Variants in CYREN observed in about 807,000 individuals in gnomAD.
CYREN encodes the protein cell cycle regulator of NHEJ, also known as cell cycle regulator of non-homologous end joining.
A neutral mutation model predicts 9.7 loss-of-function variants in CYREN; 7 were observed. The ratio of observed to expected loss-of-function variants is 0.72; its 90% CI spans 0.41 to 1.36. CYREN has a LOEUF of 1.36. Ranked by LOEUF, CYREN falls within the 40% of genes most tolerant of loss-of-function variation. CYREN has a pLI of 0.01. For missense variants in CYREN, 215 were observed against 198.1 expected, an observed-to-expected ratio of 1.09 and a Z score of -0.51; for synonymous variants, 76 against 77.9, an observed-to-expected ratio of 0.98 and a Z score of 0.13.
chr7:135,144,486 T>TA (rs1280414985), intron 2 of CYREN, among the ~76,000 whole-genome samples: 2 of 151,914 alleles, frequency 1.3e-5, no homozygotes, highest in Non-Finnish European at 2.9e-5. Context: ...AGTAAGCAAT[T>TA]AAGAGGAAAT....
chr7:135,117,931 A>C (rs12538457), intron 2 of CYREN, among the ~76,000 whole-genome samples: 67,403 of 152,044 alleles, frequency 0.44, 15,576 homozygotes, highest in East Asian at 0.78. Flanking sequence ...AATGAGAGAT[A>C]GTGGATCAGT....
At chr7:135,105,210 C>G (rs1824495220) in intron 2 of CYREN, among the ~76,000 whole-genome samples, 1 of 151,552 alleles carries the variant, frequency 6.6e-6, no homozygotes, top group Admixed American at 6.6e-5. Context: ...GCTGGGATTA[C>G]AGGTGCCCAC....
In CYREN at chr7:135,166,304, G is replaced by A. The variant is rs1830127614; in HGVS notation, c.*307C>T. On this transcript the variant is annotated 3_prime_UTR_variant, in exon 4 of 4. Coordinates refer to ENST00000393114, the MANE Select transcript of CYREN (RefSeq NM_024033.4). ...CATGACATCATTTTCCCTGGAACCT[G>A]GTCACTGACTAACACAGACAATTGG... 1 of 281,172 alleles carries A rather than the reference G, an allele frequency of 3.6e-6. No individual in the cohort carries two copies. The highest frequency in any genetic ancestry group is 6.6e-6 in the Non-Finnish European group (1 of 151,148). The allele number at this position is 281,172 out of a possible 1,614,324, so 17.4% of individuals were successfully genotyped here.
intron 1 of CYREN, among the ~76,000 whole-genome samples, chr7:135,169,942 C>T (rs1283046790): frequency 6.6e-6 from 1 of 152,246 alleles, no homozygotes; most frequent in African/African-American, 2.4e-5. Flanking sequence ...GGCCATGGGG[C>T]ACACCTTTGC....
rs1830317505 is a variant in CYREN, at chr7:135,168,072, TG to T, written c.138-266del. On this transcript the variant is annotated intron_variant, in intron 2 of 3. Transcript: ENST00000393114. The stretch of plus-strand genomic sequence containing the variant: ...ACAAGGATCTGGAAGTAGGGAAGGA[TG>T]GCCGCCTCTGAAACACACACATGGA... 5 of 520,086 alleles carry T rather than the reference TG, an allele frequency of 9.6e-6. No homozygotes were observed. In the East Asian group the frequency reaches 1.8e-4, roughly 19 times the overall value. 32.2% of individuals were successfully genotyped at this position (520,086 alleles called of 1,614,324 possible).
chr7:135,111,333 T>C (rs1825613482), intron 2 of CYREN, among the ~76,000 whole-genome samples: 1 of 152,234 alleles, frequency 6.6e-6, no homozygotes, highest in Non-Finnish European at 1.5e-5. Flanking sequence ...TCCTCACTTG[T>C]ATACTTCTCA....
chr7:135,160,225 C>T (rs1585354189), intron 2 of CYREN, among the ~76,000 whole-genome samples: 1 of 152,188 alleles, frequency 6.6e-6, no homozygotes, highest in Non-Finnish European at 1.5e-5. Context: ...TTTCTCTGCA[C>T]TTTCATGTAT....
intron 2 of CYREN, among the ~76,000 whole-genome samples, chr7:135,145,585 T>C (rs1829530208): frequency 6.6e-6 from 1 of 152,172 alleles, no homozygotes; most frequent in African/African-American, 2.4e-5. Context: ...GAAGATTTGA[T>C]AAAGATTTGA....
chr7:135,154,986 T>A (rs1585347317), intron 2 of CYREN, among the ~76,000 whole-genome samples: 1 of 152,218 alleles, frequency 6.6e-6, no homozygotes, highest in African/African-American at 2.4e-5. Context: ...CTTTCTTTAG[T>A]GATATTTGTT....
Position 135,097,189 on chromosome 7 carries a change from C to T in CYREN, n.357-2607G>A, listed in dbSNP as rs188350587. On this transcript the variant is annotated intron_variant and non_coding_transcript_variant, in intron 2 of 2. Transcript: ENST00000459937. The stretch of plus-strand genomic sequence containing the variant: ...ATTACATTTCCTGGTTCAAAGGTTA[C>T]GACTAAAATATCCCGTCGGTCAACA... Among the ~76,000 whole-genome samples, 108 of 152,174 alleles carry T rather than the reference C, an allele frequency of 7.1e-4. 1 individual carries two copies. The highest frequency in any genetic ancestry group is 7.0e-3 in the South Asian group (34 of 4,826).
intron 2 of CYREN, among the ~76,000 whole-genome samples, chr7:135,142,528 A>T (rs530624764): frequency 2.6e-4 from 39 of 152,218 alleles, no homozygotes; most frequent in South Asian, 2.3e-3. Context: ...CTCAAGGGTC[A>T]ACTGTATTTG....
At position 135,137,160 on chromosome 7, in the gene CYREN, G is replaced by A. The variant is rs1032860801; in HGVS notation, n.356+31589C>T. Reference sequence around the variant, plus strand: ...ATGAATATGCTGACAGTTCTAATGGGAAAATTGGACAATGCAAGAACAGAT... The same window carrying A: ...ATGAATATGCTGACAGTTCTAATGGAAAAATTGGACAATGCAAGAACAGAT... On this transcript the variant is annotated intron_variant and non_coding_transcript_variant, in intron 2 of 2. Transcript: ENST00000459937. Among the ~76,000 whole-genome samples, 21 of 151,768 alleles carry A rather than the reference G, an allele frequency of 1.4e-4. 1 individual carries two copies. Among genetic ancestry groups the A allele is most frequent in the South Asian group, 2.1e-4 (1 of 4,812 alleles).
At chr7:135,154,325 T>C (rs530235587) in intron 2 of CYREN, among the ~76,000 whole-genome samples, 5 of 152,344 alleles carry the variant, frequency 3.3e-5, no homozygotes, top group African/African-American at 9.6e-5. Flanking sequence ...TTTAGTTTCA[T>C]TGATCCTTTG....
At chr7:135,107,968 G>A (rs2348272) in intron 2 of CYREN, among the ~76,000 whole-genome samples, 66,690 of 151,904 alleles carry the variant, frequency 0.44, 15,342 homozygotes, top group East Asian at 0.78. Flanking sequence ...ATTATGTAAT[G>A]TCTTTATCTT....
chr7:135,161,955 G>A (rs1396130648), downstream of CYREN, among the ~76,000 whole-genome samples: 3 of 152,240 alleles, frequency 2.0e-5, no homozygotes, highest in Non-Finnish European at 4.4e-5. This position sits in a 1 kb window ranked among gnomAD's most constrained non-coding sequence, Gnocchi z 4.1. Flanking sequence ...CGGTGGCAGT[G>A]TGGACCCCAC....
rs139701366 is a variant in CYREN, at chr7:135,101,793, C to A, written n.357-7211G>T. Reference sequence around the variant, plus strand: ...ATTCCATCATGGTTGATATGGTTTGCCTGTGTCCCCACCCAAATCTCATCT... The same window carrying A: ...ATTCCATCATGGTTGATATGGTTTGACTGTGTCCCCACCCAAATCTCATCT... On this transcript the variant is annotated intron_variant and non_coding_transcript_variant, in intron 2 of 2. Transcript: ENST00000459937. Among the ~76,000 whole-genome samples, 1,063 of 152,272 alleles carry A rather than the reference C, an allele frequency of 7.0e-3. 15 individuals carry two copies. The highest frequency in any genetic ancestry group is 0.024 in the African/African-American group (1,013 of 41,550).
At chr7:135,134,597 G>A (rs1829222967) in intron 2 of CYREN, among the ~76,000 whole-genome samples, 1 of 151,966 alleles carries the variant, frequency 6.6e-6, no homozygotes, top group South Asian at 2.1e-4. Flanking sequence ...TAGGAAGGCT[G>A]AGGTTAGAGT....
At chr7:135,104,809 C>A (rs1041850512) in intron 2 of CYREN, among the ~76,000 whole-genome samples, 2 of 148,882 alleles carry the variant, frequency 1.3e-5, no homozygotes, top group African/African-American at 4.9e-5. Flanking sequence ...TGTTTAAGTT[C>A]TTTATAGATG....
chr7:135,144,770 T>TAAC (rs529314748), intron 2 of CYREN, among the ~76,000 whole-genome samples: 7,747 of 148,312 alleles, frequency 0.052, 272 homozygotes, highest in Non-Finnish European at 0.081. Context: ...TTAATAATAA[T>TAAC]AATAATATAA....
Sources: gnomAD v4.1 joint callset for allele counts (sites outside exome capture counted in the v4.1 genomes callset) on GRCh38, gnomAD v4.1.1 for gene constraint, Gnocchi (gnomAD v3.1) non-coding constraint, MANE v1.5 for transcripts, NCBI Gene and HGNC (gene_info 2026-07-23, HGNC 2026-07-21) for gene names.